KLB: variants seen among roughly 807,000 people sequenced by gnomAD.
The protein encoded by KLB is klotho beta, also known as beta-klotho.
A neutral mutation model predicts 88.4 loss-of-function variants in KLB; 44 were observed. The ratio of observed to expected loss-of-function variants is 0.50; its 90% CI spans 0.39 to 0.64. The LOEUF is 0.64. Among genes scored for constraint, KLB ranks in the 30% least tolerant of loss-of-function variants. KLB has a pLI of 0.00. For missense variants in KLB, 1,137 were observed against 1,304.8 expected (o/e 0.87, Z 1.98); for synonymous variants, 548 against 513.4 (o/e 1.07, Z -0.91).
chr4:39,445,557 T>A (rs1743721087), intron 3 of KLB, among the ~76,000 whole-genome samples: 1 of 146,706 alleles, frequency 6.8e-6, no homozygotes, highest in Admixed American at 7.2e-5. Context: ...GAGGCTGGAG[T>A]GCAATGGCAT....
intron 4 of KLB, among the ~76,000 whole-genome samples, chr4:39,448,008 CA>C (rs1743798986): frequency 6.6e-6 from 1 of 152,154 alleles, no homozygotes; most frequent in Non-Finnish European, 1.5e-5. Flanking sequence ...ACCCTTTAAA[CA>C]AAAGTGACAA....
At chr4:39,423,385 A>G (rs2109827245) in intron 1 of KLB, among the ~76,000 whole-genome samples, 1 of 152,002 alleles carries the variant, frequency 6.6e-6, no homozygotes, top group South Asian at 2.1e-4. Flanking sequence ...GCAATTGTGG[A>G]ATGTAGTACC....
chr4:39,436,699 CT>C (rs1401601561), intron 2 of KLB, among the ~76,000 whole-genome samples: 1 of 151,036 alleles, frequency 6.6e-6, no homozygotes, highest in Non-Finnish European at 1.5e-5. Context: ...TGTTGATTTT[CT>C]TTTCTCTTTT....
At position 39,446,610 on chromosome 4, in the gene KLB, T is replaced by C. The variant is rs765396278; in HGVS notation, c.1884T>C (p.Ser628=). 1.2e-6 allele frequency: 2 copies of C among 1,613,852 alleles called. No individual in the cohort carries two copies. The highest frequency in any genetic ancestry group is 1.3e-5 in the African/African-American group (1 of 74,894). ...TGAGGTACTACAGGTGCGTGGTCAG[T>C]GAGGGGCTGAAGCTTGGCATCTCCG... ...QALRYYRCVV[S]EGLKLGISAM... is the part of the protein sequence containing the mutation. Residue 628 remains serine, a synonymous_variant, in exon 4 of 5, where the codon AGT becomes AGC. Transcript: ENST00000257408. This position sits in a 1 kb window ranked among gnomAD's most constrained non-coding sequence, Gnocchi z 6.4.
At chr4:39,424,167 C>T (rs1296558302) in intron 1 of KLB, among the ~76,000 whole-genome samples, 1 of 151,614 alleles carries the variant, frequency 6.6e-6, no homozygotes, top group East Asian at 1.9e-4. Context: ...CCTCCGTGGG[C>T]TCAGGTGATC....
rs193039281 is a variant in KLB at position 39,419,123 on chromosome 4, T to A, written c.825+11349T>A. Among the ~76,000 whole-genome samples, 306 of 152,024 alleles carry A rather than the reference T, an allele frequency of 2.0e-3. 1 individual carries two copies. The highest frequency in any genetic ancestry group is 6.9e-3 in the African/African-American group (286 of 41,498). Reference sequence around the variant, plus strand: ...TATAAGAATCGTGTAAAAAAAAAACTTTTTCAACTACGACTGGTATTCTAA... The same window carrying A: ...TATAAGAATCGTGTAAAAAAAAAACATTTTCAACTACGACTGGTATTCTAA... On this transcript the variant is annotated intron_variant, in intron 1 of 4. Coordinates refer to ENST00000257408, the MANE Select transcript of KLB (RefSeq NM_175737.4).
At chr4:39,414,963 TTCACAAAG>T (rs1024961487) in intron 1 of KLB, among the ~76,000 whole-genome samples, 4 of 152,074 alleles carry the variant, frequency 2.6e-5, no homozygotes, top group Non-Finnish European at 5.9e-5. Context: ...AACATTGTGT[TTCACAAAG>T]TTTGGTGGGG....
At chr4:39,433,626 G>A (rs1477921969) in intron 1 of KLB, among the ~76,000 whole-genome samples, 9 of 152,160 alleles carry the variant, frequency 5.9e-5, no homozygotes, top group Non-Finnish European at 1.0e-4. Context: ...TTGGGAGGCC[G>A]AGGAGGGTGG....
intron 1 of KLB, among the ~76,000 whole-genome samples, chr4:39,419,107 C>A (rs1315202448): frequency 6.6e-6 from 1 of 151,720 alleles, no homozygotes; most frequent in African/African-American, 2.4e-5. Flanking sequence ...TTATAAGAAT[C>A]GTGTAAAAAA....
chr4:39,407,696 G>A lies in KLB; in HGVS notation c.747G>A (p.Gly249=). 1.2e-6 allele frequency: 2 copies of A among 1,614,060 alleles called. No homozygotes were observed. The highest frequency in any genetic ancestry group is 1.7e-6 in the Non-Finnish European group (2 of 1,179,908). ...IHNPYLVAWH[G]YGTGMHAPGE... is the part of the protein sequence containing the mutation. ...ACCCATATCTAGTGGCTTGGCATGG[G>A]TATGGGACAGGTATGCATGCCCCTG... The change falls in exon 1 of 5, where the codon GGG becomes GGA. Residue 249 remains glycine (G), a synonymous_variant. Transcript: ENST00000257408.
At chr4:39,425,353 A>T (rs1484306139) in intron 1 of KLB, among the ~76,000 whole-genome samples, 3 of 152,274 alleles carry the variant, frequency 2.0e-5, no homozygotes, top group African/African-American at 7.2e-5. Context: ...TAAAGGAACA[A>T]ATATGCTAGA....
At chr4:39,447,558 G>C in intron 4 of KLB, 83 bp downstream of exon 4, 1 of 1,171,144 alleles carries the variant, frequency 8.5e-7, no homozygotes, top group Non-Finnish European at 1.2e-6. Flanking sequence ...CAGCAGGCTG[G>C]TGCCTGACAG....
At chr4:39,442,259 C>G (rs1450388389) in intron 3 of KLB, among the ~76,000 whole-genome samples, 4 of 151,564 alleles carry the variant, frequency 2.6e-5, no homozygotes, top group Admixed American at 2.0e-4. Context: ...AAAAAAATTA[C>G]TAAGCCTAAC....
intron 1 of KLB, chr4:39,411,904 A>G (rs1276534507): frequency 1.3e-5 from 2 of 151,704 alleles, no homozygotes; most frequent in African/African-American, 2.4e-5. Flanking sequence ...ATGTTCTCTC[A>G]TATAGTGGGA....
intron 1 of KLB, among the ~76,000 whole-genome samples, chr4:39,420,409 T>G (rs995028525): frequency 2.6e-5 from 4 of 152,232 alleles, no homozygotes; most frequent in African/African-American, 9.6e-5. Context: ...TCAGAGTAGC[T>G]GAACTTTACA....
chr4:39,426,470 A>G (rs1743220555), intron 1 of KLB, among the ~76,000 whole-genome samples: 1 of 149,056 alleles, frequency 6.7e-6, no homozygotes, highest in Non-Finnish European at 1.5e-5. Context: ...TAAAAATAGG[A>G]TGGTGAATAT....
intron 1 of KLB, among the ~76,000 whole-genome samples, chr4:39,427,109 C>T (rs1013414877): frequency 6.6e-6 from 1 of 152,128 alleles, no homozygotes; most frequent in South Asian, 2.1e-4. Flanking sequence ...CTTAGGCTGG[C>T]GGATTGCTTG....
chr4:39,435,301 A>G lies in KLB; in HGVS notation c.1336+581A>G, dbSNP rs1578210734. On this transcript the variant is annotated intron_variant, in intron 2 of 4. Coordinates refer to ENST00000257408, the MANE Select transcript of KLB (RefSeq NM_175737.4). ...CCCAGCTAATTTTTTATATTTTGGTAGAGATGGAGTTACATCATGTTGGCC... is the reference window on the plus strand; with the variant it reads ...CCCAGCTAATTTTTTATATTTTGGTGGAGATGGAGTTACATCATGTTGGCC... Among the ~76,000 whole-genome samples, 3 of 150,678 alleles carry G rather than the reference A, an allele frequency of 2.0e-5. No homozygotes were observed. The South Asian group carries it at 6.3e-4, about 32-fold the overall frequency.
At chr4:39,443,480 C>T (rs1743659321) in intron 3 of KLB, among the ~76,000 whole-genome samples, 1 of 151,814 alleles carries the variant, frequency 6.6e-6, no homozygotes, top group South Asian at 2.1e-4. Flanking sequence ...CTCGATGGCT[C>T]ACACCTGTAA....
Sources: gnomAD v4.1 joint callset for allele counts (sites outside exome capture counted in the v4.1 genomes callset) on GRCh38, gnomAD v4.1.1 for gene constraint, Gnocchi (gnomAD v3.1) non-coding constraint, MANE v1.5 for transcripts, NCBI Gene and HGNC (gene_info 2026-07-23, HGNC 2026-07-21) for gene names.